GRM3: variants seen among roughly 807,000 people sequenced by gnomAD.
The protein encoded by GRM3 is metabotropic glutamate receptor 3.
GRM3 carries 26 observed loss-of-function variants against 70.5 expected under a neutral mutation model. The ratio of observed to expected loss-of-function variants is 0.37; its 90% CI spans 0.27 to 0.51. The LOEUF is 0.51. Among genes scored for constraint, GRM3 ranks in the 20% least tolerant of loss-of-function variants. The probability of loss-of-function intolerance (pLI) is 0.93; values close to 1 mark genes in which losing one functional copy is unlikely to be tolerated. For missense variants in GRM3, 859 were observed against 1,123.8 expected (o/e 0.76, Z 3.37); for synonymous variants, 443 against 434.9 (o/e 1.02, Z -0.23).
intron 1 of GRM3, among the ~76,000 whole-genome samples, chr7:86,683,257 T>C (rs1794484864): frequency 6.6e-6 from 1 of 152,136 alleles, no homozygotes; most frequent in Non-Finnish European, 1.5e-5. Flanking sequence ...TCAAGTGGCC[T>C]GGGTATCTGG....
At chr7:86,737,469 A>C (rs752511383) in intron 1 of GRM3, among the ~76,000 whole-genome samples, 10 of 152,208 alleles carry the variant, frequency 6.6e-5, no homozygotes, top group Non-Finnish European at 1.3e-4. Flanking sequence ...TGCATTTGTA[A>C]AACATGAATA....
In GRM3 at chr7:86,839,936, G is replaced by T. The variant is rs1232773873; in HGVS notation, c.2391+31G>T. The stretch of plus-strand genomic sequence containing the variant: ...TCTTTGATTGTTTCTTATTTTTCTT[G>T]TTCTTTCTCCTCCAGTGTTTCTTGT... On this transcript the variant is annotated intron_variant, in intron 4 of 5. Coordinates refer to ENST00000361669, the MANE Select transcript of GRM3 (RefSeq NM_000840.3). This position sits in a 1 kb window ranked among gnomAD's most constrained non-coding sequence, Gnocchi z 4.5. 8.0e-7 allele frequency: 1 copy of T among 1,250,384 alleles called. No homozygotes were observed. The highest frequency in any genetic ancestry group is 1.5e-5 in the African/African-American group (1 of 67,840). 77.5% of individuals were successfully genotyped at this position (1,250,384 alleles called of 1,614,324 possible). A position where few individuals can be genotyped will look rare whatever the true frequency, so the allele number is the denominator to read the frequency against.
intron 1 of GRM3, among the ~76,000 whole-genome samples, chr7:86,709,567 G>T: frequency 6.6e-6 from 1 of 151,954 alleles, no homozygotes; most frequent in Non-Finnish European, 1.5e-5. Flanking sequence ...GGTACCTTCG[G>T]GGGGGTGGGG....
At chr7:86,715,544 C>T (rs1483355205) in intron 1 of GRM3, among the ~76,000 whole-genome samples, 1 of 152,024 alleles carries the variant, frequency 6.6e-6, no homozygotes, top group East Asian at 1.9e-4. Flanking sequence ...AGGCTGGCAG[C>T]TCCTTCCAGA....
At chr7:86,859,658 G>A (rs1798917973) in intron 5 of GRM3, among the ~76,000 whole-genome samples, 2 of 152,138 alleles carry the variant, frequency 1.3e-5, no homozygotes, top group African/African-American at 4.8e-5. Flanking sequence ...TTCTGAGACT[G>A]ATGCAAAGTA....
At chr7:86,789,535 C>T (rs1479572816) in intron 3 of GRM3, among the ~76,000 whole-genome samples, 1 of 152,116 alleles carries the variant, frequency 6.6e-6, no homozygotes, top group African/African-American at 2.4e-5. Context: ...TATTGAAAAG[C>T]AGATTTGTTT....
At chr7:86,729,607 A>T (rs1352139274) in intron 1 of GRM3, among the ~76,000 whole-genome samples, 1 of 152,240 alleles carries the variant, frequency 6.6e-6, no homozygotes, top group Non-Finnish European at 1.5e-5. Flanking sequence ...ATTTAAAGAA[A>T]ATTAATATAT....
intron 1 of GRM3, among the ~76,000 whole-genome samples, chr7:86,652,341 CTTTT>C (rs1793627787): frequency 6.6e-6 from 1 of 151,734 alleles, no homozygotes; most frequent in African/African-American, 2.4e-5. Context: ...TGTTGTTGTT[CTTTT>C]TTTGAGATGG....
At chr7:86,730,055 C>T (rs576518507) in intron 1 of GRM3, among the ~76,000 whole-genome samples, 1 of 151,474 alleles carries the variant, frequency 6.6e-6, no homozygotes, top group East Asian at 1.9e-4. Context: ...TGCAGTGAGC[C>T]GTGAGCCAAG....
At chr7:86,730,675 T>C (rs1795712412) in intron 1 of GRM3, among the ~76,000 whole-genome samples, 1 of 152,184 alleles carries the variant, frequency 6.6e-6, no homozygotes, top group Admixed American at 6.5e-5. Context: ...ACAGTTTTAG[T>C]CTCCTAGATC....
intron 1 of GRM3, among the ~76,000 whole-genome samples, chr7:86,728,079 C>T (rs1460806730): frequency 1.3e-5 from 2 of 151,992 alleles, no homozygotes; most frequent in East Asian, 1.9e-4. Flanking sequence ...TCAAAAAAGA[C>T]CATTTTTTTC....
intron 1 of GRM3, among the ~76,000 whole-genome samples, chr7:86,668,269 ATT>A (rs34101221): frequency 8.1e-5 from 12 of 148,970 alleles, no homozygotes; most frequent in South Asian, 2.1e-4. Context: ...AAATGTCAAA[ATT>A]TTTTTTTTTT....
intron 1 of GRM3, among the ~76,000 whole-genome samples, chr7:86,709,035 A>T (rs1795131385): frequency 6.6e-6 from 1 of 152,046 alleles, no homozygotes; most frequent in Non-Finnish European, 1.5e-5. Context: ...TGACACCTAA[A>T]TTACAACCTA....
At chr7:86,778,955 G>T (rs755189022) in intron 2 of GRM3, among the ~76,000 whole-genome samples, 2 of 151,974 alleles carry the variant, frequency 1.3e-5, no homozygotes, top group Non-Finnish European at 2.9e-5. Flanking sequence ...CAGTATGACT[G>T]GTATTCTTAC....
At chr7:86,832,322 C>T (rs1323101545) in intron 3 of GRM3, among the ~76,000 whole-genome samples, 1 of 147,918 alleles carries the variant, frequency 6.8e-6, no homozygotes, top group African/African-American at 2.5e-5. Flanking sequence ...GCGATCTCAG[C>T]TCACTGCAAC....
At position 86,696,654 on chromosome 7, in the gene GRM3, G is replaced by A. The variant is rs530621796; in HGVS notation, c.-141+51782G>A. On this transcript the variant is annotated intron_variant, in intron 1 of 5. Coordinates refer to ENST00000361669, the MANE Select transcript of GRM3 (RefSeq NM_000840.3). The stretch of plus-strand genomic sequence containing the variant: ...GTTGATAGCTCATCTGTTTTATAAA[G>A]GTGAAGAGTATTTTCTGCTTTTGGT... 3.3e-5 allele frequency among the ~76,000 whole-genome samples: 5 copies of A among 152,186 alleles called. No homozygotes were observed. In the East Asian group the frequency reaches 9.7e-4, roughly 29 times the overall value.
chr7:86,724,175 T>A (rs1795538369), intron 1 of GRM3, among the ~76,000 whole-genome samples: 1 of 152,178 alleles, frequency 6.6e-6, no homozygotes, highest in Non-Finnish European at 1.5e-5. Flanking sequence ...GTATCTAAGA[T>A]GATGTGTAGA....
intron 1 of GRM3, among the ~76,000 whole-genome samples, chr7:86,709,660 T>C (rs1354804447): frequency 6.6e-6 from 1 of 151,984 alleles, no homozygotes; most frequent in Non-Finnish European, 1.5e-5. Context: ...TGTCAGTGAG[T>C]CCAGTTTTCT....
At chr7:86,819,347 A>T (rs559537455) in intron 3 of GRM3, among the ~76,000 whole-genome samples, 20 of 152,242 alleles carry the variant, frequency 1.3e-4, no homozygotes, top group African/African-American at 4.8e-4. Flanking sequence ...AAAGCTTTGA[A>T]AAAAAGGATT....
Sources: allele counts gnomAD v4.1 joint callset (sites outside exome capture counted in the v4.1 genomes callset), GRCh38; gene constraint gnomAD v4.1.1; non-coding constraint Gnocchi (gnomAD v3.1); transcripts MANE v1.5; gene names NCBI Gene and HGNC (gene_info 2026-07-23, HGNC 2026-07-21).